Variants in WDFY2 observed in about 807,000 individuals in gnomAD.
WDFY2 encodes WD repeat and FYVE domain containing 2, also known as WD repeat and FYVE domain-containing protein 2.
A neutral mutation model predicts 56.4 loss-of-function variants in WDFY2; 36 were observed. The observed-to-expected ratio is 0.64, with a 90% CI of 0.49 to 0.84. The LOEUF (loss-of-function observed/expected upper bound fraction) is 0.84. Ranked by LOEUF, WDFY2 falls within the 40% of genes least tolerant of loss-of-function variation. The pLI, the probability that WDFY2 is intolerant of heterozygous loss-of-function variation, is 0.00. For synonymous variants in WDFY2, 176 were observed against 183.7 expected, an observed-to-expected ratio of 0.96 and a Z score of 0.34; for missense variants, 444 against 512.2, an observed-to-expected ratio of 0.87 and a Z score of 1.29.
In WDFY2 at chr13:51,727,653, A is replaced by G. The variant is rs756145088; in HGVS notation, c.486-25A>G. 8 of 1,600,454 alleles carry G rather than the reference A, an allele frequency of 5.0e-6. No homozygotes were observed. The Admixed American group carries it at 6.9e-5, about 14-fold the overall frequency. ...AAATTCCCTCATTTAATTTTGAGAA[A>G]CAATCCTTAATGCTTTCATGACAGA... On this transcript the variant is annotated intron_variant, in intron 5 of 11. Coordinates refer to ENST00000298125, the MANE Select transcript of WDFY2 (RefSeq NM_052950.4).
intron 3 of WDFY2, among the ~76,000 whole-genome samples, chr13:51,693,426 T>A (rs2138553023): frequency 6.6e-6 from 1 of 152,108 alleles, no homozygotes; most frequent in South Asian, 2.1e-4. Flanking sequence ...ATTTCTGCCT[T>A]CATTTCGTTA....
chr13:51,716,391 A>T (rs956072243), intron 4 of WDFY2, among the ~76,000 whole-genome samples: 1 of 152,214 alleles, frequency 6.6e-6, no homozygotes, highest in Non-Finnish European at 1.5e-5. Flanking sequence ...TCAATACAAA[A>T]TTTTAAAAAT....
At chr13:51,668,471 C>T (rs1001293481) in intron 2 of WDFY2, among the ~76,000 whole-genome samples, 4 of 152,102 alleles carry the variant, frequency 2.6e-5, no homozygotes, top group African/African-American at 9.7e-5. Flanking sequence ...ATGTAAAATA[C>T]TTTTTAGTGC....
chr13:51,672,237 T>A (rs191776862), intron 2 of WDFY2, among the ~76,000 whole-genome samples: 1 of 152,330 alleles, frequency 6.6e-6, no homozygotes, highest in East Asian at 1.9e-4. Flanking sequence ...AGGTGAGAGA[T>A]GGGGATCCAG....
At chr13:51,717,940 G>A (rs1192469308) in intron 4 of WDFY2, among the ~76,000 whole-genome samples, 2 of 152,136 alleles carry the variant, frequency 1.3e-5, no homozygotes, top group Non-Finnish European at 2.9e-5. Flanking sequence ...ATCCCAAAGG[G>A]CCATCTTGCT....
At chr13:51,751,456 G>C in intron 8 of WDFY2, 41 bp downstream of exon 8, 2 of 1,553,576 alleles carry the variant, frequency 1.3e-6, no homozygotes, top group Non-Finnish European at 1.8e-6. Flanking sequence ...TGTGGTTCTG[G>C]CCCTGCCTCC....
rs1319232905 is a variant in WDFY2, at chr13:51,584,733, C to G, written c.46C>G (p.Leu16Val). The G allele has an allele frequency of 6.2e-7, 1 of 1,613,818 alleles. No homozygotes were observed. Among genetic ancestry groups the G allele is most frequent in the Non-Finnish European group, 8.5e-7 (1 of 1,179,784 alleles). ...CAAGCCTCTGACCCGCAAGCCGATC[C>G]TGCTGCAGCGGATGGAGGGGTCCCA... Reference protein sequence around the residue: ...QPKPLTRKPILLQRMEGSQEV... With the variant: ...QPKPLTRKPIVLQRMEGSQEV... Residue 16 changes from leucine to valine, a missense_variant, in exon 1 of 12, where the codon CTG becomes GTG. By Grantham distance (32) the Leu-to-Val change is conservative (BLOSUM62 1). Transcript: ENST00000298125.
At chr13:51,656,294 A>G (rs1955508307) in intron 1 of WDFY2, among the ~76,000 whole-genome samples, 1 of 151,832 alleles carries the variant, frequency 6.6e-6, no homozygotes, top group Non-Finnish European at 1.5e-5. Flanking sequence ...TTTCTTAGTA[A>G]CTTCTTCCCC....
chr13:51,637,717 G>A (rs371062752), intron 1 of WDFY2, among the ~76,000 whole-genome samples: 50 of 152,246 alleles, frequency 3.3e-4, no homozygotes, highest in African/African-American at 1.1e-3. Context: ...GGAGGAATGC[G>A]TCCACCCTAG....
At chr13:51,672,446 A>G (rs755932536) in intron 2 of WDFY2, among the ~76,000 whole-genome samples, 2 of 151,938 alleles carry the variant, frequency 1.3e-5, no homozygotes, top group African/African-American at 2.4e-5. Flanking sequence ...TTTGGTGACT[A>G]TGGCCTTATA....
intron 1 of WDFY2, among the ~76,000 whole-genome samples, chr13:51,647,366 A>G (rs1955281683): frequency 6.6e-6 from 1 of 152,252 alleles, no homozygotes; most frequent in Non-Finnish European, 1.5e-5. Flanking sequence ...TTTGTGTATC[A>G]TGTAACTATA....
intron 2 of WDFY2, among the ~76,000 whole-genome samples, chr13:51,671,239 G>C (rs1240780326): frequency 6.6e-6 from 1 of 152,140 alleles, no homozygotes; most frequent in Non-Finnish European, 1.5e-5. Context: ...CCAGTAGTGA[G>C]ATTGCTGGAT....
intron 1 of WDFY2, among the ~76,000 whole-genome samples, chr13:51,610,481 T>C (rs779936652): frequency 6.6e-6 from 1 of 152,228 alleles, no homozygotes; most frequent in Non-Finnish European, 1.5e-5. Flanking sequence ...ACCCAGGTGA[T>C]GAATATTAGA....
chr13:51,726,258 T>C (rs1370097429), intron 5 of WDFY2, among the ~76,000 whole-genome samples: 1 of 152,222 alleles, frequency 6.6e-6, no homozygotes, highest in African/African-American at 2.4e-5. Context: ...TAATATATCC[T>C]GGTGTCTGTG....
chr13:51,646,003 C>T (rs1032348834), intron 1 of WDFY2, among the ~76,000 whole-genome samples: 6 of 152,192 alleles, frequency 3.9e-5, no homozygotes, highest in Non-Finnish European at 7.4e-5. Context: ...ATATGACACC[C>T]TACATCCAGC....
intron 4 of WDFY2, among the ~76,000 whole-genome samples, chr13:51,712,402 C>T (rs1409354049): frequency 6.6e-6 from 1 of 152,052 alleles, no homozygotes; most frequent in Non-Finnish European, 1.5e-5. Context: ...TGTAACAAAT[C>T]TGCACATTGT....
chr13:51,651,823 T>C (rs7988456), intron 1 of WDFY2, among the ~76,000 whole-genome samples: 1,657 of 152,344 alleles, frequency 0.011, 63 homozygotes, highest in Admixed American at 0.076. Context: ...CTTCCAACTA[T>C]GTGGTCAGTT....
chr13:51,654,054 A>G (rs1955459323), intron 1 of WDFY2, among the ~76,000 whole-genome samples: 1 of 152,198 alleles, frequency 6.6e-6, no homozygotes, highest in South Asian at 2.1e-4. Context: ...GGCTTCACCC[A>G]GTTTGAGCTT....
intron 3 of WDFY2, among the ~76,000 whole-genome samples, chr13:51,699,885 A>G (rs997137178): frequency 2.6e-5 from 4 of 152,242 alleles, no homozygotes; most frequent in Middle Eastern, 3.2e-3. Context: ...AAGTATTGCT[A>G]TAATTGTAAA....
Sources: gnomAD v4.1 joint callset for allele counts (sites outside exome capture counted in the v4.1 genomes callset) on GRCh38, gnomAD v4.1.1 for gene constraint, MANE v1.5 for transcripts, NCBI Gene and HGNC (gene_info 2026-07-23, HGNC 2026-07-21) for gene names.